Variants in SYNGR1 observed in about 807,000 individuals in gnomAD.
SYNGR1 encodes the protein synaptogyrin-1.
In SYNGR1, 14 loss-of-function variants were observed where a neutral mutation model predicts 26.1. That is an observed-to-expected ratio of 0.54 (90% CI 0.35 to 0.84). The LOEUF (loss-of-function observed/expected upper bound fraction) is 0.84. Among genes scored for constraint, SYNGR1 ranks in the 40% least tolerant of loss-of-function variants. The pLI is 0.01. For missense variants in SYNGR1, 319 were observed against 332.9 expected (o/e 0.96, Z 0.33); for synonymous variants, 141 against 150.1 (o/e 0.94, Z 0.44).
chr22:39,364,101 G>A, intron 1 of SYNGR1: 2 of 1,601,892 alleles, frequency 1.2e-6, no homozygotes, highest in Non-Finnish European at 1.7e-6. Context: ...TGTCTGCAGA[G>A]GGGAGATACC....
Position 39,350,068 on chromosome 22 carries a change from C to T in SYNGR1, c.58C>T (p.Leu20=), listed in dbSNP as rs758764056. Residue 20 remains leucine (L), a synonymous_variant, in exon 1 of 4, where the codon CTG becomes TTG. Transcript: ENST00000328933. This position sits in a 1 kb window ranked among gnomAD's most constrained non-coding sequence, Gnocchi z 4.3. Reference sequence around the variant, plus strand: ...CGGGGGCGCCTTCGACCCCTACACCCTGGTCCGGCAGCCGCACACCATCCT... The same window carrying T: ...CGGGGGCGCCTTCGACCCCTACACCTTGGTCCGGCAGCCGCACACCATCCT... ...KAGGAFDPYT[L]VRQPHTILRV... is the part of the protein sequence containing the mutation. 2 of 1,467,018 alleles carry T rather than the reference C, an allele frequency of 1.4e-6. No homozygotes were observed. The highest frequency in any genetic ancestry group is 2.0e-5 in the Admixed American group (1 of 49,756). The allele number at this position is 1,467,018 out of a possible 1,614,324, so 90.9% of individuals were successfully genotyped here.
At chr22:39,352,184 G>T (rs1923933645) in intron 1 of SYNGR1, among the ~76,000 whole-genome samples, 2 of 152,144 alleles carry the variant, frequency 1.3e-5, no homozygotes, top group African/African-American at 2.4e-5. Flanking sequence ...GGAATGTCAG[G>T]ATTGGAAAGG....
At chr22:39,374,119 T>C (rs1277310485) in intron 1 of SYNGR1, among the ~76,000 whole-genome samples, 197 bp from the exon 2 acceptor site, 1 of 152,152 alleles carries the variant, frequency 6.6e-6, no homozygotes, top group African/African-American at 2.4e-5. Context: ...AGGAAGTGAT[T>C]GACCCCCACC....
chr22:39,360,975 A>G (rs1217349447), intron 1 of SYNGR1, among the ~76,000 whole-genome samples: 1 of 152,166 alleles, frequency 6.6e-6, no homozygotes, highest in Non-Finnish European at 1.5e-5. Context: ...CCAACTATGG[A>G]TGGACGTGGC....
chr22:39,376,592 A>G (rs1010578052), intron 3 of SYNGR1, among the ~76,000 whole-genome samples: 24 of 152,238 alleles, frequency 1.6e-4, no homozygotes, highest in Non-Finnish European at 3.2e-4. Flanking sequence ...CCTAGGAGTC[A>G]GGAGACCTGC....
chr22:39,371,476 C>CAA (rs370784123), intron 1 of SYNGR1, among the ~76,000 whole-genome samples: 5 of 121,858 alleles, frequency 4.1e-5, no homozygotes, highest in Non-Finnish European at 7.0e-5. Flanking sequence ...AAGTCCATCT[C>CAA]AAAAAAAAAA....
At chr22:39,371,193 G>A (rs1272161945) in intron 1 of SYNGR1, among the ~76,000 whole-genome samples, 2 of 152,074 alleles carry the variant, frequency 1.3e-5, no homozygotes, top group African/African-American at 4.8e-5. Flanking sequence ...TGTAGTTTCT[G>A]AGGCCGGGCG....
intron 1 of SYNGR1, among the ~76,000 whole-genome samples, chr22:39,358,572 C>T (rs1212052285): frequency 3.3e-5 from 5 of 151,742 alleles, no homozygotes; most frequent in African/African-American, 9.7e-5. Context: ...TCCAGACGCG[C>T]GGCATTAAGA....
At chr22:39,381,113 C>T (rs1291384945) in intron 3 of SYNGR1, among the ~76,000 whole-genome samples, 2 of 152,098 alleles carry the variant, frequency 1.3e-5, no homozygotes, top group African/African-American at 2.4e-5. Context: ...CGGTGCATGG[C>T]CCCCAGGCAT....
chr22:39,358,468 A>G (rs1356344750), intron 1 of SYNGR1, among the ~76,000 whole-genome samples: 1 of 152,178 alleles, frequency 6.6e-6, no homozygotes, highest in Non-Finnish European at 1.5e-5. Flanking sequence ...TTGGGTCCAC[A>G]CTACTTTTAT....
In SYNGR1 at chr22:39,351,342, C is replaced by T. The variant is rs138984903; in HGVS notation, c.99+1233C>T. On this transcript the variant is annotated intron_variant, in intron 1 of 3. Coordinates refer to ENST00000328933, the MANE Select transcript of SYNGR1 (RefSeq NM_004711.5). ...GGCTTGGGTATGTATCCCTGGTCTG[C>T]GAAGGATGACCCCATTTAAAGCCTT... is the stretch of plus-strand genomic sequence containing the variant. Among the ~76,000 whole-genome samples the T allele has an allele frequency of 7.8e-3, 1,191 of 152,248 alleles. 10 individuals carry two copies. The highest frequency in any genetic ancestry group is 0.036 in the South Asian group (175 of 4,820).
chr22:39,377,180 T>C (rs1569183047), intron 3 of SYNGR1: 8 of 1,458,784 alleles, frequency 5.5e-6, no homozygotes, highest in Non-Finnish European at 7.2e-6. Flanking sequence ...CCCATCCTTC[T>C]GGTTTGCCCC....
chr22:39,359,949 C>T (rs1372388949), intron 1 of SYNGR1, among the ~76,000 whole-genome samples: 1 of 152,138 alleles, frequency 6.6e-6, no homozygotes, highest in East Asian at 1.9e-4. Context: ...CCTGGGGCCT[C>T]TGAACCACTG....
At chr22:39,361,590 C>T (rs1924473269) in intron 1 of SYNGR1, among the ~76,000 whole-genome samples, 1 of 151,274 alleles carries the variant, frequency 6.6e-6, no homozygotes, top group African/African-American at 2.4e-5. Flanking sequence ...AAACTCCTGA[C>T]CTCAAGTCAT....
At chr22:39,354,468 G>T (rs972608539) in intron 1 of SYNGR1, among the ~76,000 whole-genome samples, 1 of 152,168 alleles carries the variant, frequency 6.6e-6, no homozygotes, top group Non-Finnish European at 1.5e-5. Flanking sequence ...GGTGGCCTGA[G>T]GGGGGCAGCT....
At chr22:39,369,080 TATGATTCCTCAGTGTCTGA>T (rs1219256899) in intron 1 of SYNGR1, among the ~76,000 whole-genome samples, 3 of 152,204 alleles carry the variant, frequency 2.0e-5, no homozygotes, top group African/African-American at 7.2e-5. Context: ...GGCGGGTCTG[TATGATTCCTCAGTGTCTGA>T]AGTCTCTTTC....
At chr22:39,358,490 C>G (rs148292889) in intron 1 of SYNGR1, among the ~76,000 whole-genome samples, 1 of 152,334 alleles carries the variant, frequency 6.6e-6, no homozygotes, top group East Asian at 1.9e-4. Context: ...AGCTGTAACA[C>G]TCACCGCGAA....
chr22:39,371,492 A>G (rs1473168065), intron 1 of SYNGR1, among the ~76,000 whole-genome samples: 1 of 138,218 alleles, frequency 7.2e-6, no homozygotes, highest in East Asian at 2.3e-4. Context: ...AAAAAAAAAA[A>G]GAAATTATAG....
In SYNGR1 at chr22:39,350,010, G is replaced by T. The variant is rs1303792984; in HGVS notation, c.-1G>T. ...GGGGGCACCGCGCGGGTGCAGCCAC[G>T]ATGGAAGGGGGTGCGTACGGAGCGG... On this transcript the variant is annotated 5_prime_UTR_variant, in exon 1 of 4. Transcript: ENST00000328933. This position sits in a 1 kb window ranked among gnomAD's most constrained non-coding sequence, Gnocchi z 4.3. 4 of 1,289,888 alleles carry T rather than the reference G, an allele frequency of 3.1e-6. No individual in the cohort carries two copies. The African/African-American group carries it at 4.6e-5, about 15-fold the overall frequency. 79.9% of individuals were successfully genotyped at this position (1,289,888 alleles called of 1,614,324 possible). A position where few individuals can be genotyped will look rare whatever the true frequency, so the allele number is the denominator to read the frequency against.
Sources: gnomAD v4.1 joint callset for allele counts (sites outside exome capture counted in the v4.1 genomes callset) on GRCh38, gnomAD v4.1.1 for gene constraint, Gnocchi (gnomAD v3.1) non-coding constraint, MANE v1.5 for transcripts, NCBI Gene and HGNC (gene_info 2026-07-23, HGNC 2026-07-21) for gene names.